SMC1B: variants seen among roughly 807,000 people sequenced by gnomAD.
SMC1B encodes the protein structural maintenance of chromosomes 1B, also known as structural maintenance of chromosomes protein 1B.
Under a neutral mutation model 157.9 loss-of-function variants are expected in SMC1B, and 60 were observed. The ratio of observed to expected loss-of-function variants is 0.38; its 90% CI spans 0.31 to 0.47. SMC1B has a LOEUF of 0.47. Ranked by LOEUF, SMC1B falls within the 20% of genes least tolerant of loss-of-function variation. SMC1B has a pLI of 0.99. For missense variants in SMC1B, 1,165 were observed against 1,426.2 expected, an observed-to-expected ratio of 0.82 and a Z score of 2.95; for synonymous variants, 445 against 483.0, an observed-to-expected ratio of 0.92 and a Z score of 1.03.
intron 5 of SMC1B, among the ~76,000 whole-genome samples, chr22:45,399,697 T>TA (rs992790422): frequency 2.6e-5 from 4 of 152,114 alleles, no homozygotes; most frequent in Non-Finnish European, 2.9e-5. Context: ...TAGAATGCAA[T>TA]AAAAAATCTA....
intron 23 of SMC1B, 75 bp downstream of exon 23, chr22:45,349,653 A>T (rs1039447447): frequency 2.2e-6 from 3 of 1,364,854 alleles, no homozygotes; most frequent in Non-Finnish European, 3.1e-6. Flanking sequence ...ATTTTTAATG[A>T]GCATTTTCCA....
rs1216604242 is a variant in SMC1B, at chr22:45,394,722, G to T, written c.1300C>A (p.Arg434=). The change falls in exon 8 of 25, where the codon CGA becomes AGA. Residue 434 remains arginine (R), a synonymous_variant. Transcript: ENST00000357450. ...IKEQIEDHKK[R]IEKLEEYTKT... is the part of the protein sequence containing the mutation. ...GTATACTCCTCTAACTTCTCTATTC[G>T]TTTTTTATGATCTTCTATTTGTTCT... 3 of 1,561,270 alleles carry T rather than the reference G, an allele frequency of 1.9e-6. No individual in the cohort carries two copies. The highest frequency in any genetic ancestry group is 4.6e-5 in the East Asian group (2 of 43,698).
chr22:45,386,409 T>C (rs899235937), intron 11 of SMC1B, among the ~76,000 whole-genome samples: 53 of 45,122 alleles, frequency 1.2e-3, no homozygotes, highest in African/African-American at 0.012. Flanking sequence ...ATTTCAATTG[T>C]GTTTTCTAGA....
At chr22:45,406,701 T>C (rs773390386) in intron 3 of SMC1B, 38 bp from the exon 4 acceptor site, 164 of 1,583,098 alleles carry the variant, frequency 1.0e-4, no homozygotes, top group Non-Finnish European at 1.1e-4. Flanking sequence ...ATATAAAATA[T>C]AGTGATGTAT....
chr22:45,348,388 C>T (rs2086573339), intron 23 of SMC1B, among the ~76,000 whole-genome samples: 1 of 151,972 alleles, frequency 6.6e-6, no homozygotes, highest in Non-Finnish European at 1.5e-5. Flanking sequence ...CCCATCTCTA[C>T]CAAAAACACA....
chr22:45,392,462 C>T (rs897392362), intron 9 of SMC1B, among the ~76,000 whole-genome samples: 33 of 139,920 alleles, frequency 2.4e-4, no homozygotes, highest in African/African-American at 9.1e-4. Context: ...GGCATCAGGT[C>T]GATTTTTTTT....
intron 12 of SMC1B, among the ~76,000 whole-genome samples, chr22:45,377,082 T>C (rs565097199): frequency 9.9e-5 from 15 of 152,234 alleles, no homozygotes; most frequent in African/African-American, 3.6e-4. Context: ...TCACTTTTTT[T>C]TGTTCAATCT....
At chr22:45,354,361 G>GGTAT (rs376322847) in intron 20 of SMC1B, among the ~76,000 whole-genome samples, 35 of 151,206 alleles carry the variant, frequency 2.3e-4, no homozygotes, top group East Asian at 7.8e-4. Context: ...GTTCTGATAG[G>GGTAT]GTATGTATGT....
chr22:45,413,471 G>C lies in SMC1B; in HGVS notation c.97C>G (p.Pro33Ala), dbSNP rs769816094. Residue 33 changes from proline to alanine, a missense_variant, in exon 1 of 25, where the codon CCC becomes GCC. By Grantham distance (27) the Pro-to-Ala change is conservative. Coordinates refer to ENST00000357450, the MANE Select transcript of SMC1B (RefSeq NM_148674.5). ...PFRRFTCIIG[P>A]NGSGKSNVMD... ...GCTGCTCAGTTACCAGAGCCGTTGG[G>C]GCCGATGATGCAGGTGAACCTCCGG... is the stretch of plus-strand genomic sequence containing the variant. The C allele has an allele frequency of 6.2e-7, 1 of 1,608,310 alleles. No homozygotes were observed. The highest frequency in any genetic ancestry group is 1.3e-5 in the African/African-American group (1 of 74,824).
chr22:45,355,461 C>T (rs1478179259), intron 19 of SMC1B, among the ~76,000 whole-genome samples: 1 of 152,120 alleles, frequency 6.6e-6, no homozygotes, highest in African/African-American at 2.4e-5. Context: ...TAAAGACTTA[C>T]AGGGAAGTCA....
chr22:45,346,095 C>T (rs2086549034), intron 23 of SMC1B, among the ~76,000 whole-genome samples: 1 of 151,956 alleles, frequency 6.6e-6, no homozygotes, highest in Non-Finnish European at 1.5e-5. Flanking sequence ...ATCCCAGCTA[C>T]TCGGGAGGCT....
intron 5 of SMC1B, among the ~76,000 whole-genome samples, chr22:45,400,644 T>A (rs1329122949): frequency 6.6e-6 from 1 of 152,154 alleles, no homozygotes; most frequent in Non-Finnish European, 1.5e-5. Flanking sequence ...CTAAGCATAG[T>A]GACTTCCTCT....
In SMC1B at chr22:45,402,399, A is replaced by G; in HGVS notation, c.788T>C (p.Val263Ala). The change falls in exon 5 of 25, where the codon GTT (valine) becomes GCT (alanine). Residue 263 changes from valine to alanine, a missense_variant. Coordinates refer to ENST00000357450, the MANE Select transcript of SMC1B (RefSeq NM_148674.5). ...RESLSHHENIVKARKKEHGML... is the reference protein window; with the variant it reads ...RESLSHHENIAKARKKEHGML... ...TCCATGTTCCTTTTTCCTGGCTTTA[A>G]CTATGTTTTCATGATGAGACAAAGA... 1.2e-6 allele frequency: 2 copies of G among 1,613,932 alleles called. No individual in the cohort carries two copies. The highest frequency in any genetic ancestry group is 1.7e-6 in the Non-Finnish European group (2 of 1,179,948).
chr22:45,352,144 C>T (rs1444316072), intron 22 of SMC1B, among the ~76,000 whole-genome samples: 3 of 151,380 alleles, frequency 2.0e-5, no homozygotes, highest in Admixed American at 2.0e-4. Context: ...CCTGCCTACT[C>T]AGGTGACTCA....
Position 45,354,147 on chromosome 22 carries a change from A to G in SMC1B, c.3119-15T>C, listed in dbSNP as rs373567952. 3.5e-5 allele frequency: 53 copies of G among 1,521,964 alleles called. No individual in the cohort carries two copies. The highest frequency in any genetic ancestry group is 4.3e-5 in the Non-Finnish European group (49 of 1,142,196). 94.3% of individuals were successfully genotyped at this position (1,521,964 alleles called of 1,614,324 possible). A position where few individuals can be genotyped will look rare whatever the true frequency, so the allele number is the denominator to read the frequency against. ...GGCCTCAAAAGCTAAGAGAGAATCAATGTTCTTTATTTTAGAGACCACTGA... is the reference window on the plus strand; with the variant it reads ...GGCCTCAAAAGCTAAGAGAGAATCAGTGTTCTTTATTTTAGAGACCACTGA... On this transcript the variant is annotated splice_polypyrimidine_tract_variant and intron_variant, in intron 20 of 24. Coordinates refer to ENST00000357450, the MANE Select transcript of SMC1B (RefSeq NM_148674.5).
chr22:45,352,013 C>T (rs1207236871), intron 22 of SMC1B, among the ~76,000 whole-genome samples: 1 of 152,034 alleles, frequency 6.6e-6, no homozygotes, highest in African/African-American at 2.4e-5. Flanking sequence ...CTGATGTTAC[C>T]TCTGGCTATT....
intron 15 of SMC1B, among the ~76,000 whole-genome samples, chr22:45,364,966 T>C (rs1467819210): frequency 6.6e-6 from 1 of 151,668 alleles, no homozygotes; most frequent in Non-Finnish European, 1.5e-5. Context: ...GCCTCCCAAG[T>C]AGCTGGGACT....
At chr22:45,385,822 T>A (rs972982369) in intron 11 of SMC1B, among the ~76,000 whole-genome samples, 3 of 152,062 alleles carry the variant, frequency 2.0e-5, no homozygotes, top group African/African-American at 7.2e-5. Flanking sequence ...AGTGATCACA[T>A]TATGCTTAAG....
chr22:45,408,315 C>T (rs532779317), intron 2 of SMC1B, among the ~76,000 whole-genome samples: 55 of 152,066 alleles, frequency 3.6e-4, no homozygotes, highest in East Asian at 7.8e-4. Context: ...TTAGTAGAGA[C>T]GGGGTTTCAT....
Sources: gnomAD v4.1 joint callset for allele counts (sites outside exome capture counted in the v4.1 genomes callset) on GRCh38, gnomAD v4.1.1 for gene constraint, MANE v1.5 for transcripts, NCBI Gene and HGNC (gene_info 2026-07-23, HGNC 2026-07-21) for gene names.